The following RPGRIP1 variants were observed in gnomAD, a reference collection of about 807,000 sequenced individuals.
RPGRIP1 encodes X-linked retinitis pigmentosa GTPase regulator-interacting protein 1.
In RPGRIP1, 128 loss-of-function variants were observed where a neutral mutation model predicts 157.9. The ratio of observed to expected loss-of-function variants is 0.81; its 90% CI spans 0.70 to 0.94. The LOEUF (loss-of-function observed/expected upper bound fraction) is 0.94. Among genes scored for constraint, RPGRIP1 ranks in the 40% least tolerant of loss-of-function variants. The pLI, the probability that RPGRIP1 is intolerant of heterozygous loss-of-function variation, is 0.00. For missense variants in RPGRIP1, 1,486 were observed against 1,545.8 expected, an observed-to-expected ratio of 0.96 and a Z score of 0.65; for synonymous variants, 554 against 571.6, an observed-to-expected ratio of 0.97 and a Z score of 0.44.
intron 11 of RPGRIP1, among the ~76,000 whole-genome samples, chr14:21,318,363 C>T (rs1193751480): frequency 6.6e-6 from 1 of 152,088 alleles, no homozygotes; most frequent in Admixed American, 6.6e-5. Context: ...CCACCAGCCT[C>T]AGCTTCCCAA....
chr14:21,346,915 G>T (rs1234790410), intron 23 of RPGRIP1, among the ~76,000 whole-genome samples: 1 of 152,160 alleles, frequency 6.6e-6, no homozygotes, highest in African/African-American at 2.4e-5. Context: ...GTCATAGAAA[G>T]AACTGAAAAA....
chr14:21,326,085 T>C lies in RPGRIP1; in HGVS notation c.2622T>C (p.Val874=), dbSNP rs368687032. 5.0e-6 allele frequency: 8 copies of C among 1,613,444 alleles called. No homozygotes were observed. In the African/African-American group the frequency reaches 8.0e-5, roughly 16 times the overall value. ...GACGGGAGGCCTTGTCTATACATGT[T>C]TTTGATGATGAAGACTTAGAGCCTG... ...YLRREALSIH[V]FDDEDLEPGS... Residue 874 remains valine (V), a synonymous_variant, in exon 17 of 25, where the codon GTT becomes GTC. Coordinates refer to ENST00000400017, the MANE Select transcript of RPGRIP1 (RefSeq NM_020366.4).
intron 6 of RPGRIP1, 42 bp from the exon 7 acceptor site, chr14:21,307,689 T>C: frequency 7.9e-7 from 1 of 1,259,606 alleles, no homozygotes; most frequent in Admixed American, 2.1e-5. Flanking sequence ...TCTTTAATTC[T>C]ATCCATGTTC....
rs148551323 is a variant in RPGRIP1 at position 21,307,542 on chromosome 14, G to A, written c.801-189G>A. On this transcript the variant is annotated intron_variant, in intron 6 of 24. Transcript: ENST00000400017. Reference sequence around the variant, plus strand: ...TGATCTCTATCAAATCTTGGCTGGCGTGATGAGAAATGGGAGAAAGGAGAT... The same window carrying A: ...TGATCTCTATCAAATCTTGGCTGGCATGATGAGAAATGGGAGAAAGGAGAT... 2.7e-3 allele frequency among the ~76,000 whole-genome samples: 407 copies of A among 152,322 alleles called. 2 individuals are homozygous for A. Among genetic ancestry groups the A allele is most frequent in the African/African-American group, 8.9e-3 (371 of 41,566 alleles).
chr14:21,302,692 C>A, intron 5 of RPGRIP1, 108 bp downstream of exon 5: 1 of 681,812 alleles, frequency 1.5e-6, no homozygotes, highest in Non-Finnish European at 2.4e-6. Context: ...TCAGCATGAT[C>A]AGGGAAGATG....
Position 21,343,057 on chromosome 14 carries a change from G to C in RPGRIP1, c.3361G>C (p.Glu1121Gln), listed in dbSNP as rs1047316095. Residue 1121 changes from glutamate to glutamine, a missense_variant, in exon 22 of 25, where the codon GAA becomes CAA. By Grantham distance (29) the Glu-to-Gln change is conservative. Coordinates refer to ENST00000400017, the MANE Select transcript of RPGRIP1 (RefSeq NM_020366.4). ...PKADSEKMCI[E>Q]IVSLAFYPEA... ...TCAGGATTCAGAGAAGATGTGCATT[G>C]AAATTGTCTCCCTGGCCTTCTACCC... The C allele has an allele frequency of 1.2e-6, 2 of 1,612,608 alleles. No individual in the cohort carries two copies. The highest frequency in any genetic ancestry group is 1.7e-6 in the Non-Finnish European group (2 of 1,179,234).
chr14:21,294,650 T>A, intron 2 of RPGRIP1, 27 bp from the exon 3 acceptor site: 1 of 1,610,062 alleles, frequency 6.2e-7, no homozygotes, highest in Non-Finnish European at 8.5e-7. Flanking sequence ...AAAAATACTG[T>A]CCATTTACTG....
chr14:21,320,265 A>AAT, intron 12 of RPGRIP1, 88 bp downstream of exon 12: 3 of 1,202,748 alleles, frequency 2.5e-6, no homozygotes, highest in Non-Finnish European at 3.5e-6. Flanking sequence ...TAGAAAACTA[A>AAT]CTAAATAATA....
intron 6 of RPGRIP1, among the ~76,000 whole-genome samples, chr14:21,304,646 T>C (rs1594177132): frequency 6.6e-6 from 1 of 152,230 alleles, no homozygotes; most frequent in Admixed American, 6.5e-5. Context: ...AGAGTTCCTG[T>C]ATACCCATTG....
chr14:21,319,965 C>T (rs1882216027), intron 11 of RPGRIP1, 52 bp from the exon 12 acceptor site: 2 of 1,512,096 alleles, frequency 1.3e-6, no homozygotes, highest in Non-Finnish European at 1.8e-6. Flanking sequence ...CAACTCTGAC[C>T]ATGGTGATAA....
chr14:21,323,645 T>C (rs1219244817), intron 14 of RPGRIP1, among the ~76,000 whole-genome samples: 1 of 152,140 alleles, frequency 6.6e-6, no homozygotes, highest in Non-Finnish European at 1.5e-5. Flanking sequence ...ATCCTTTGCC[T>C]ACTTCTTAAC....
Position 21,317,731 on chromosome 14 carries a change from A to G in RPGRIP1, c.1187A>G (p.His396Arg), listed in dbSNP as rs1881912673. 3.1e-6 allele frequency: 5 copies of G among 1,589,174 alleles called. No individual in the cohort carries two copies. Among genetic ancestry groups the G allele is most frequent in the Non-Finnish European group, 3.4e-6 (4 of 1,167,874 alleles). Residue 396 changes from histidine (H) to arginine (R), a missense_variant, in exon 11 of 25, where the codon CAC becomes CGC. By Grantham distance (29) the His-to-Arg change is conservative. Transcript: ENST00000400017. The stretch of plus-strand genomic sequence containing the variant: ...AGCAGTGACAGCTCCAGTCAGCCCC[A>G]CTGGAGCAACGAGCTCATAGCGGAA... ...LDSSDSSSQP[H>R]WSNELIAEQL... is the part of the protein sequence containing the mutation.
At chr14:21,334,756 A>G (rs1884158306) in intron 21 of RPGRIP1, 51 bp downstream of exon 21, 1 of 1,258,614 alleles carries the variant, frequency 7.9e-7, no homozygotes, top group African/African-American at 1.5e-5. Context: ...ATAAATAATG[A>G]CAGTGGCCAG....
intron 21 of RPGRIP1, among the ~76,000 whole-genome samples, chr14:21,341,764 T>C (rs1885020792): frequency 6.6e-6 from 1 of 151,966 alleles, no homozygotes. Context: ...TTGAAAATAT[T>C]GGAGTTCCTG....
intron 12 of RPGRIP1, 111 bp from the exon 13 acceptor site, chr14:21,321,148 T>C: frequency 9.4e-7 from 1 of 1,064,998 alleles, no homozygotes; most frequent in East Asian, 2.6e-5. Context: ...CATTTTGGAG[T>C]AGTTTCTGCT....
chr14:21,317,450 G>A (rs539952647), intron 10 of RPGRIP1: 2 of 867,714 alleles, frequency 2.3e-6, no homozygotes, highest in Non-Finnish European at 3.4e-6. Context: ...AAATGGATAT[G>A]ACTTGGGGTG....
chr14:21,308,543 A>C (rs1881412020), intron 7 of RPGRIP1, among the ~76,000 whole-genome samples: 1 of 152,210 alleles, frequency 6.6e-6, no homozygotes, highest in Non-Finnish European at 1.5e-5. Flanking sequence ...GAGAGTAGTC[A>C]GACCCACCAG....
chr14:21,288,757 G>A (rs200904911), intron 2 of RPGRIP1, among the ~76,000 whole-genome samples: 51 of 151,818 alleles, frequency 3.4e-4, no homozygotes, highest in East Asian at 1.2e-3. Flanking sequence ...CAAGTGATCC[G>A]CCTGCCTCGG....
At position 21,325,302 on chromosome 14, in the gene RPGRIP1, A is replaced by G. The variant is rs1276632598; in HGVS notation, c.2286A>G (p.Leu762=). 6.2e-7 allele frequency: 1 copy of G among 1,612,206 alleles called. No homozygotes were observed. Among genetic ancestry groups the G allele is most frequent in the African/African-American group, 1.3e-5 (1 of 74,916 alleles). Reference sequence around the variant, plus strand: ...TGCGTTTCCCCATAAAACCCAGCCTACAGGCGTGCAATAAACGAAAGAAAG... The same window carrying G: ...TGCGTTTCCCCATAAAACCCAGCCTGCAGGCGTGCAATAAACGAAAGAAAG... ...MRLRFPIKPS[L]QACNKRKKAQ... is the part of the protein sequence containing the mutation. Residue 762 remains leucine (L), a synonymous_variant, in exon 16 of 25, where the codon CTA becomes CTG. Coordinates refer to ENST00000400017, the MANE Select transcript of RPGRIP1 (RefSeq NM_020366.4).
Sources: gnomAD v4.1 joint callset for allele counts (sites outside exome capture counted in the v4.1 genomes callset) on GRCh38, gnomAD v4.1.1 for gene constraint, MANE v1.5 for transcripts, NCBI Gene and HGNC (gene_info 2026-07-23, HGNC 2026-07-21) for gene names.